The following C1QTNF7 variants were observed in gnomAD, a reference collection of about 807,000 sequenced individuals.
The protein encoded by C1QTNF7 is C1q and TNF related 7, also known as complement C1q tumor necrosis factor-related protein 7.
Under a neutral mutation model 19.6 loss-of-function variants are expected in C1QTNF7, and 15 were observed. The observed-to-expected ratio is 0.76, with a 90% CI of 0.51 to 1.18. The LOEUF (loss-of-function observed/expected upper bound fraction) is 1.18. Ranked by LOEUF, C1QTNF7 falls within the 50% of genes most tolerant of loss-of-function variation. The probability of loss-of-function intolerance (pLI) is 0.00; values close to 1 mark genes in which losing one functional copy is unlikely to be tolerated. For missense variants in C1QTNF7, 324 were observed against 359.7 expected, an observed-to-expected ratio of 0.90 and a Z score of 0.80; for synonymous variants, 142 against 137.5, an observed-to-expected ratio of 1.03 and a Z score of -0.23.
Position 15,435,849 on chromosome 4 carries a change from A to G in C1QTNF7, c.106A>G (p.Ile36Val), listed in dbSNP as rs1317005300. The change falls in exon 2 of 3, where the codon ATT (isoleucine) becomes GTT (valine). Residue 36 changes from isoleucine (I) to valine (V), a missense_variant. Ile to Val is a conservative substitution (Grantham distance 29, BLOSUM62 3). Coordinates refer to ENST00000444304, the MANE Select transcript of C1QTNF7 (RefSeq NM_031911.5). The stretch of plus-strand genomic sequence containing the variant: ...CTACTCCCCCAGGTATATCTGCAGC[A>G]TTCCTGGCTTGCCTGGACCTCCAGG... ...ENYSPRYICS[I>V]PGLPGPPGPP... 3.1e-6 allele frequency: 5 copies of G among 1,613,974 alleles called. No homozygotes were observed. The highest frequency in any genetic ancestry group is 4.2e-6 in the Non-Finnish European group (5 of 1,180,028).
In C1QTNF7 at chr4:15,412,778, G is replaced by A. The variant is rs35742125; in HGVS notation, c.14-22958G>A. Among the ~76,000 whole-genome samples the A allele has an allele frequency of 2.8e-3, 427 of 152,338 alleles. 8 individuals carry two copies. Among genetic ancestry groups the A allele is most frequent in the Non-Finnish European group, 3.5e-3 (237 of 68,038 alleles). On this transcript the variant is annotated intron_variant, in intron 1 of 2. Coordinates refer to the C1QTNF7 transcript ENST00000295297. ...CTTGAAAAGACACAAGTGCATCTGC[G>A]TAACTACTTTTCTGGAGATTTTTAC...
At chr4:15,436,742 G>A (rs1033867445) in intron 2 of C1QTNF7, among the ~76,000 whole-genome samples, 1 of 152,162 alleles carries the variant, frequency 6.6e-6, no homozygotes, top group African/African-American at 2.4e-5. Context: ...TGAAATTCTA[G>A]ACAGGCTGTG....
chr4:15,429,682 C>T (rs1712221661), intron 1 of C1QTNF7, among the ~76,000 whole-genome samples: 4 of 152,224 alleles, frequency 2.6e-5, no homozygotes, highest in South Asian at 4.1e-4. Context: ...TTGTGAATAA[C>T]GCTGCAGATA....
intron 1 of C1QTNF7, among the ~76,000 whole-genome samples, chr4:15,379,570 C>A (rs1049730614): frequency 3.9e-5 from 6 of 152,176 alleles, no homozygotes; most frequent in African/African-American, 1.4e-4. Flanking sequence ...CCCAGGACTG[C>A]TGGACTCCAC....
intron 1 of C1QTNF7, among the ~76,000 whole-genome samples, chr4:15,395,694 G>A (rs544474855): frequency 3.0e-4 from 46 of 152,216 alleles, no homozygotes; most frequent in African/African-American, 1.1e-3. Context: ...AAATGACACC[G>A]AAAAAACAGC....
intron 1 of C1QTNF7, among the ~76,000 whole-genome samples, chr4:15,393,277 T>C (rs766566555): frequency 1.3e-5 from 2 of 152,190 alleles, no homozygotes; most frequent in African/African-American, 2.4e-5. Context: ...TTACCCAGTT[T>C]CAGGTATGTC....
intron 1 of C1QTNF7, among the ~76,000 whole-genome samples, chr4:15,406,594 A>T (rs545622298): frequency 6.6e-6 from 1 of 152,314 alleles, no homozygotes; most frequent in Admixed American, 6.5e-5. Flanking sequence ...ATGCACAAAG[A>T]GTTCACTAGA....
At chr4:15,426,122 T>C (rs1712035856), upstream of C1QTNF7, among the ~76,000 whole-genome samples, 1 of 152,214 alleles carries the variant, frequency 6.6e-6, no homozygotes, top group African/African-American at 2.4e-5. Flanking sequence ...ATGAATTCAG[T>C]TGAAAAGTAA....
At chr4:15,391,465 A>C (rs1718555970) in intron 1 of C1QTNF7, among the ~76,000 whole-genome samples, 1 of 152,178 alleles carries the variant, frequency 6.6e-6, no homozygotes, top group Non-Finnish European at 1.5e-5. Flanking sequence ...AAGGAAAATT[A>C]AGAGGCTATT....
At chr4:15,441,052 G>C (rs1009278606) in intron 2 of C1QTNF7, among the ~76,000 whole-genome samples, 1 of 152,150 alleles carries the variant, frequency 6.6e-6, no homozygotes, top group Admixed American at 6.5e-5. Flanking sequence ...TGAGGCAGGA[G>C]AATAGCTTGA....
intron 1 of C1QTNF7, among the ~76,000 whole-genome samples, chr4:15,359,073 G>C (rs948065856): frequency 6.6e-6 from 1 of 152,140 alleles, no homozygotes; most frequent in Non-Finnish European, 1.5e-5. Flanking sequence ...CAGCTCCCTT[G>C]TTCTTGCCCA....
rs1425635828 is a variant in C1QTNF7 at position 15,356,200 on chromosome 4, A to G, written c.13+15993A>G. 1.0e-3 allele frequency among the ~76,000 whole-genome samples: 153 copies of G among 152,160 alleles called. 2 individuals are homozygous for G. Among genetic ancestry groups the G allele is most frequent in the Non-Finnish European group, 4.4e-5 (3 of 68,002 alleles). Reference sequence around the variant, plus strand: ...CGTGCCATGGTGGTTTGCTGCACTCATCAACCCGTCATCTACATTAGGTAT... The same window carrying G: ...CGTGCCATGGTGGTTTGCTGCACTCGTCAACCCGTCATCTACATTAGGTAT... On this transcript the variant is annotated intron_variant, in intron 1 of 2. Coordinates refer to the C1QTNF7 transcript ENST00000295297.
In C1QTNF7 at chr4:15,365,024, TGAAAATACACACTAGAGTTGAGCAGG is replaced by T. The variant is rs527574053; in HGVS notation, c.13+24819_13+24844del. On this transcript the variant is annotated intron_variant, in intron 1 of 2. Coordinates refer to the C1QTNF7 transcript ENST00000295297. ...ACCTGGGGCTTCATCCCACGTGAAA[TGAAAATACACACTAGAGTTGAGCAGG>T]GTTTTTCCTCTTGCTTTGCACACTC... Among the ~76,000 whole-genome samples, 4 of 152,262 alleles carry T rather than the reference TGAAAATACACACTAGAGTTGAGCAGG, an allele frequency of 2.6e-5. No homozygotes were observed. In the South Asian group the frequency reaches 8.3e-4, roughly 32 times the overall value.
chr4:15,435,714 C>A (rs770497139), intron 1 of C1QTNF7, 22 bp from the exon 2 acceptor site: 2 of 1,613,328 alleles, frequency 1.2e-6, no homozygotes, highest in South Asian at 1.1e-5. Flanking sequence ...AGTTCATTTA[C>A]GTCTGTGTGT....
At position 15,351,190 on chromosome 4, in the gene C1QTNF7, G is replaced by A. The variant is rs144836239; in HGVS notation, c.13+10983G>A. On this transcript the variant is annotated intron_variant, in intron 1 of 2. Transcript: ENST00000295297. ...AAACAGAAAAGAAAGCATTAGGTAT[G>A]CAAAGTATTGTTAAAATCATAAAAT... 1.7e-3 allele frequency among the ~76,000 whole-genome samples: 257 copies of A among 152,276 alleles called. 1 individual carries two copies. Among genetic ancestry groups the A allele is most frequent in the Middle Eastern group, 3.4e-3 (1 of 294 alleles).
intron 1 of C1QTNF7, among the ~76,000 whole-genome samples, chr4:15,362,091 T>C (rs571453195): frequency 6.6e-6 from 1 of 152,274 alleles, no homozygotes; most frequent in African/African-American, 2.4e-5. Context: ...TCCCCAGTTT[T>C]CTCTAAAATG....
At chr4:15,346,250 G>A (rs181074999) in intron 1 of C1QTNF7, among the ~76,000 whole-genome samples, 8 of 152,294 alleles carry the variant, frequency 5.3e-5, no homozygotes, top group African/African-American at 1.9e-4. Context: ...CAGAGGGTTA[G>A]AAGACAGCTC....
intron 1 of C1QTNF7, among the ~76,000 whole-genome samples, chr4:15,412,428 G>A (rs1163061659): frequency 2.6e-5 from 4 of 151,514 alleles, no homozygotes; most frequent in Non-Finnish European, 5.9e-5. Context: ...TCTGGCACAG[G>A]GCTTCTTCCT....
chr4:15,340,961 A>T (rs1266309231), intron 1 of C1QTNF7, among the ~76,000 whole-genome samples: 1 of 152,166 alleles, frequency 6.6e-6, no homozygotes, highest in Non-Finnish European at 1.5e-5. Flanking sequence ...TATCTTGTGC[A>T]TTGAGGTGGA....
Sources: allele counts gnomAD v4.1 joint callset (sites outside exome capture counted in the v4.1 genomes callset), GRCh38; gene constraint gnomAD v4.1.1; transcripts MANE v1.5; gene names NCBI Gene and HGNC (gene_info 2026-07-23, HGNC 2026-07-21).